ROBO2: variants seen among roughly 807,000 people sequenced by gnomAD.
ROBO2 encodes the protein roundabout homolog 2.
ROBO2 carries 53 observed loss-of-function variants against 160.8 expected under a neutral mutation model. The ratio of observed to expected loss-of-function variants is 0.33; its 90% CI spans 0.26 to 0.41. The LOEUF (loss-of-function observed/expected upper bound fraction) is 0.41, where lower values mean the gene tolerates loss of function less well. ROBO2 is among the 10% of genes least tolerant of loss of function. The probability of loss-of-function intolerance (pLI) is 1.00; values close to 1 mark genes in which losing one functional copy is unlikely to be tolerated. For synonymous variants in ROBO2, 664 were observed against 611.7 expected, an observed-to-expected ratio of 1.09 and a Z score of -1.26; for missense variants, 1,577 against 1,722.4, an observed-to-expected ratio of 0.92 and a Z score of 1.49.
At chr3:76,798,936 A>C (rs1176463451) in intron 2 of ROBO2, among the ~76,000 whole-genome samples, 1 of 151,820 alleles carries the variant, frequency 6.6e-6, no homozygotes, top group Non-Finnish European at 1.5e-5. Context: ...ATATAGCAGG[A>C]ACATATCTCA....
At chr3:76,527,607 A>C (rs2082015723) in intron 2 of ROBO2, among the ~76,000 whole-genome samples, 1 of 152,180 alleles carries the variant, frequency 6.6e-6, no homozygotes, top group South Asian at 2.1e-4. Flanking sequence ...GCCAGATACT[A>C]CTTTTTTAGG....
intron 2 of ROBO2, among the ~76,000 whole-genome samples, chr3:76,502,202 T>TCTTCTG (rs1281361201): frequency 6.6e-6 from 1 of 152,184 alleles, no homozygotes; most frequent in Non-Finnish European, 1.5e-5. Context: ...AAGATGATTT[T>TCTTCTG]CTTCTGCCTT....
chr3:76,412,025 T>C (rs1241895703), intron 2 of ROBO2, among the ~76,000 whole-genome samples: 1 of 152,178 alleles, frequency 6.6e-6, no homozygotes, highest in Non-Finnish European at 1.5e-5. Context: ...AATGGTTTAA[T>C]TGGACTTACA....
intron 2 of ROBO2, among the ~76,000 whole-genome samples, chr3:77,103,751 A>G (rs1385381669): frequency 6.6e-6 from 1 of 152,190 alleles, no homozygotes; most frequent in Non-Finnish European, 1.5e-5. Flanking sequence ...CACTGTCCAA[A>G]CATAATGCTC....
intron 2 of ROBO2, among the ~76,000 whole-genome samples, chr3:76,924,917 TCTG>T (rs2076881265): frequency 6.6e-6 from 1 of 152,196 alleles, no homozygotes; most frequent in Non-Finnish European, 1.5e-5. Context: ...TTTTTAAAAA[TCTG>T]GTTTGCGGCC....
chr3:77,212,428 A>C (rs762983178), intron 2 of ROBO2, among the ~76,000 whole-genome samples: 1 of 152,134 alleles, frequency 6.6e-6, no homozygotes. Flanking sequence ...TTGATTTTGT[A>C]TCCTGAGACT....
At chr3:76,745,716 C>T (rs562966006) in intron 2 of ROBO2, among the ~76,000 whole-genome samples, 1 of 151,902 alleles carries the variant, frequency 6.6e-6, no homozygotes, top group African/African-American at 2.4e-5. Context: ...TTTGAATCTC[C>T]TCTGCATTTT....
At chr3:76,565,246 A>G (rs1477963041) in intron 2 of ROBO2, among the ~76,000 whole-genome samples, 1 of 152,192 alleles carries the variant, frequency 6.6e-6, no homozygotes, top group African/African-American at 2.4e-5. Context: ...TAATCTATTA[A>G]TATATATTCA....
At chr3:76,555,385 A>AAG (rs2083675597) in intron 2 of ROBO2, among the ~76,000 whole-genome samples, 1 of 67,158 alleles carries the variant, frequency 1.5e-5, no homozygotes, top group Non-Finnish European at 4.6e-5. Context: ...GAAGAAGAAG[A>AAG]AGAAGAAGAA....
intron 2 of ROBO2, among the ~76,000 whole-genome samples, chr3:77,263,631 A>G (rs950772122): frequency 2.0e-5 from 3 of 152,084 alleles, no homozygotes; most frequent in African/African-American, 7.2e-5. Context: ...TATGCACCCC[A>G]TTTTCTTTAT....
chr3:77,481,299 G>A (rs946279528), intron 4 of ROBO2, 80 bp downstream of exon 4: 1 of 1,243,558 alleles, frequency 8.0e-7, no homozygotes, highest in Non-Finnish European at 1.1e-6. Flanking sequence ...ATTAAAAACT[G>A]GGCCATATAA....
At chr3:76,323,368 C>G (rs148452118) in intron 2 of ROBO2, among the ~76,000 whole-genome samples, 375 of 152,114 alleles carry the variant, frequency 2.5e-3, no homozygotes, top group Non-Finnish European at 3.6e-3. Flanking sequence ...GTATTTTAGG[C>G]TCATTATAGA....
chr3:76,964,138 G>A (rs1410681165), intron 2 of ROBO2, among the ~76,000 whole-genome samples: 3 of 151,184 alleles, frequency 2.0e-5, no homozygotes, highest in Non-Finnish European at 2.9e-5. Context: ...CATTTTGGAC[G>A]GTTCTGAATA....
chr3:76,027,524 C>T (rs540487068), intron 2 of ROBO2, among the ~76,000 whole-genome samples: 9 of 151,996 alleles, frequency 5.9e-5, no homozygotes, highest in Admixed American at 1.3e-4. Context: ...TTGGTTGCTA[C>T]GCAAGGCCAC....
At chr3:76,210,222 A>C (rs189122585) in intron 2 of ROBO2, among the ~76,000 whole-genome samples, 312 of 152,256 alleles carry the variant, frequency 2.0e-3, no homozygotes, top group Admixed American at 3.1e-3. Context: ...TGTTAAATAA[A>C]TTTCAAAATA....
At chr3:76,594,349 A>G (rs2086608215) in intron 2 of ROBO2, among the ~76,000 whole-genome samples, 1 of 152,050 alleles carries the variant, frequency 6.6e-6, no homozygotes, top group Admixed American at 6.6e-5. Context: ...TACAATTATA[A>G]GACATCATTT....
At chr3:76,786,487 G>C (rs1196187844) in intron 2 of ROBO2, among the ~76,000 whole-genome samples, 1 of 151,114 alleles carries the variant, frequency 6.6e-6, no homozygotes, top group East Asian at 2.0e-4. Context: ...GAGAGAGAAG[G>C]GGGAGGTGCT....
chr3:77,529,937 G>A (rs138608575), intron 6 of ROBO2, among the ~76,000 whole-genome samples: 3,014 of 151,674 alleles, frequency 0.02, 98 homozygotes, highest in African/African-American at 0.067. Flanking sequence ...CATTTTTTTT[G>A]TATCTACTTC....
At chr3:75,956,760 C>T (rs1020874438) in intron 2 of ROBO2, among the ~76,000 whole-genome samples, 9 of 151,694 alleles carry the variant, frequency 5.9e-5, no homozygotes, top group African/African-American at 1.9e-4. Flanking sequence ...ATGAACACTG[C>T]CTTCACGTAG....
Sources: gnomAD v4.1 joint callset for allele counts (sites outside exome capture counted in the v4.1 genomes callset) on GRCh38, gnomAD v4.1.1 for gene constraint, MANE v1.5 for transcripts, NCBI Gene and HGNC (gene_info 2026-07-23, HGNC 2026-07-21) for gene names.